CRAMP1: variants seen among roughly 807,000 people sequenced by gnomAD.
CRAMP1 encodes cramped chromatin regulator 1, also known as protein cramped-like.
A neutral mutation model predicts 115.4 loss-of-function variants in CRAMP1; 50 were observed. The observed-to-expected ratio is 0.43, with a 90% CI of 0.35 to 0.55. The LOEUF (loss-of-function observed/expected upper bound fraction) is 0.55, where lower values mean the gene tolerates loss of function less well. CRAMP1 is among the 20% of genes least tolerant of loss of function. The probability of loss-of-function intolerance (pLI) is 0.01; values close to 1 mark genes in which losing one functional copy is unlikely to be tolerated. For synonymous variants in CRAMP1, 866 were observed against 745.4 expected (o/e 1.16, Z -2.64); for missense variants, 1,679 against 1,721.7 (o/e 0.98, Z 0.44).
At chr16:1,626,507 G>A (rs949656437) in intron 3 of CRAMP1, among the ~76,000 whole-genome samples, 2 of 151,962 alleles carry the variant, frequency 1.3e-5, no homozygotes, top group African/African-American at 4.8e-5. Context: ...GTGCTGAGTG[G>A]GCTGATTTAG....
At chr16:1,620,624 C>T in intron 2 of CRAMP1, 1 of 456,866 alleles carries the variant, frequency 2.2e-6, no homozygotes, top group South Asian at 1.5e-5. Flanking sequence ...CTGCGTCTGA[C>T]CTCTCACGTC....
chr16:1,629,771 C>G (rs2036534704), intron 3 of CRAMP1, among the ~76,000 whole-genome samples: 1 of 152,198 alleles, frequency 6.6e-6, no homozygotes, highest in Non-Finnish European at 1.5e-5. Flanking sequence ...CTTTATCTGC[C>G]ATTCCTTTTG....
chr16:1,651,480 G>A (rs1037528638), intron 6 of CRAMP1, among the ~76,000 whole-genome samples: 6 of 149,486 alleles, frequency 4.0e-5, no homozygotes, highest in African/African-American at 1.5e-4. Flanking sequence ...GTCACACACA[G>A]GTCATCTAGA....
chr16:1,631,361 C>T (rs567404512), intron 3 of CRAMP1, among the ~76,000 whole-genome samples: 17 of 152,350 alleles, frequency 1.1e-4, no homozygotes, highest in South Asian at 4.1e-4. Flanking sequence ...CCTCTTCTCA[C>T]GTCCCCATCG....
intron 10 of CRAMP1, among the ~76,000 whole-genome samples, chr16:1,657,223 G>A (rs2036784141): frequency 6.6e-6 from 1 of 152,232 alleles, no homozygotes; most frequent in South Asian, 2.1e-4. Context: ...TCTCCCTCGA[G>A]GAGGGATCCT....
intron 7 of CRAMP1, 109 bp from the exon 8 acceptor site, chr16:1,652,924 G>T: frequency 7.4e-7 from 1 of 1,342,526 alleles, no homozygotes; most frequent in Non-Finnish European, 1.0e-6. Flanking sequence ...GCCTCTGTTT[G>T]CAAGGCCATC....
chr16:1,659,762 C>T (rs2036809117), intron 10 of CRAMP1, 124 bp from the exon 11 acceptor site: 13 of 947,558 alleles, frequency 1.4e-5, no homozygotes, highest in South Asian at 1.1e-4. Context: ...TGGCCCTGGC[C>T]TTTGCCGTCA....
intron 13 of CRAMP1, among the ~76,000 whole-genome samples, 185 bp from the exon 14 acceptor site, chr16:1,664,872 T>C (rs1165353957): frequency 6.6e-6 from 1 of 152,058 alleles, no homozygotes; most frequent in Non-Finnish European, 1.5e-5. Flanking sequence ...AGGACCTAAC[T>C]GGAGCTTGGG....
chr16:1,666,301 C>A lies in CRAMP1; in HGVS notation c.2858-121C>A. 8.3e-7 allele frequency: 1 copy of A among 1,197,680 alleles called. No individual in the cohort carries two copies. Among genetic ancestry groups the A allele is most frequent in the Non-Finnish European group, 1.2e-6 (1 of 833,758 alleles). The allele number at this position is 1,197,680 out of a possible 1,614,324, so 74.2% of individuals were successfully genotyped here. A position where few individuals can be genotyped will look rare whatever the true frequency, so the allele number is the denominator to read the frequency against. On this transcript the variant is annotated intron_variant, in intron 15 of 20. Coordinates refer to ENST00000397412, the MANE Select transcript of CRAMP1 (RefSeq NM_020825.4). This position sits in a 1 kb window ranked among gnomAD's most constrained non-coding sequence, Gnocchi z 5.0. Reference sequence around the variant, plus strand: ...TCTCATTACCCTTCACCAAGAACATCTAAGCCCTTGGCTCTTGCATTGACA... The same window carrying A: ...TCTCATTACCCTTCACCAAGAACATATAAGCCCTTGGCTCTTGCATTGACA...
chr16:1,614,698 A>G lies in CRAMP1; in HGVS notation c.59A>G (p.Lys20Arg). Residue 20 changes from lysine to arginine, a missense_variant, in exon 2 of 21, where the codon AAG becomes AGG. Lys to Arg is a conservative substitution (Grantham distance 26, BLOSUM62 2). Around this residue, in one of 8 missense-constraint regions of CRAMP1, gnomAD observed 264 missense variants for 229.7 expected, o/e 1.15. Coordinates refer to ENST00000397412, the MANE Select transcript of CRAMP1 (RefSeq NM_020825.4). This position sits in a 1 kb window ranked among gnomAD's most constrained non-coding sequence, Gnocchi z 4.4. ...SGEDGLKKLG[K>R]RAADEESLEG... Reference sequence around the variant, plus strand: ...GAGGACGGGCTCAAGAAGCTGGGCAAGCGGGCGGCCGATGAGGAGTCCCTG... The same window carrying G: ...GAGGACGGGCTCAAGAAGCTGGGCAGGCGGGCGGCCGATGAGGAGTCCCTG... 7.5e-7 allele frequency: 1 copy of G among 1,332,384 alleles called. No homozygotes were observed. Among genetic ancestry groups the G allele is most frequent in the Non-Finnish European group, 9.7e-7 (1 of 1,033,534 alleles). 82.5% of individuals were successfully genotyped at this position (1,332,384 alleles called of 1,614,324 possible).
In CRAMP1 at chr16:1,630,576, A is replaced by G. The variant is rs147357287; in HGVS notation, c.541-1636A>G. 5.2e-3 allele frequency among the ~76,000 whole-genome samples: 793 copies of G among 152,310 alleles called. 7 individuals carry two copies. The highest frequency in any genetic ancestry group is 0.018 in the African/African-American group (764 of 41,558). ...GCACTGTGAGGGTATGAGCACAGAC[A>G]TGGCCCTGCCTGCTCATTTGCAGGC... On this transcript the variant is annotated intron_variant, in intron 3 of 20. Coordinates refer to ENST00000397412, the MANE Select transcript of CRAMP1 (RefSeq NM_020825.4).
At chr16:1,645,027 T>C (rs2142189073) in intron 6 of CRAMP1, among the ~76,000 whole-genome samples, 1 of 149,666 alleles carries the variant, frequency 6.7e-6, no homozygotes, top group East Asian at 2.0e-4. Context: ...TATTTTTACT[T>C]TTGTTCTTTT....
chr16:1,652,133 C>T (rs1567456594), intron 6 of CRAMP1, among the ~76,000 whole-genome samples: 1 of 152,170 alleles, frequency 6.6e-6, no homozygotes, highest in Non-Finnish European at 1.5e-5. Flanking sequence ...GAGGACTGCA[C>T]AGAGCTGGGG....
chr16:1,633,143 C>T (rs2036559864), intron 4 of CRAMP1, among the ~76,000 whole-genome samples: 1 of 152,216 alleles, frequency 6.6e-6, no homozygotes, highest in Admixed American at 6.5e-5. Context: ...GCCACACTGC[C>T]ACTCTTTGTG....
At chr16:1,641,302 C>T (rs958301683) in intron 6 of CRAMP1, 115 bp downstream of exon 6, 4 of 782,064 alleles carry the variant, frequency 5.1e-6, no homozygotes, top group Non-Finnish European at 6.7e-6. Context: ...AACTTCATAA[C>T]CTCTCAGTTA....
chr16:1,636,389 G>C (rs559304361), intron 4 of CRAMP1, among the ~76,000 whole-genome samples: 1 of 151,748 alleles, frequency 6.6e-6, no homozygotes, highest in East Asian at 1.9e-4. Context: ...AAAAAAGAAA[G>C]AAAGAAAAAA....
chr16:1,614,854 C>A lies in CRAMP1; in HGVS notation c.215C>A (p.Pro72Gln). 2 of 1,303,172 alleles carry A rather than the reference C, an allele frequency of 1.5e-6. No homozygotes were observed. The highest frequency in any genetic ancestry group is 3.6e-5 in the Admixed American group (1 of 27,800). The allele number at this position is 1,303,172 out of a possible 1,614,324, so 80.7% of individuals were successfully genotyped here. ...GGCGCGCCGCAGGCGCCGTCCCCGCCGCAGGGCAGCCCCCAGGACCAGCAC... is the reference window on the plus strand; with the variant it reads ...GGCGCGCCGCAGGCGCCGTCCCCGCAGCAGGGCAGCCCCCAGGACCAGCAC... ...PPGAPQAPSP[P>Q]QGSPQDQHHF... Residue 72 changes from proline to glutamine, a missense_variant, in exon 2 of 21, where the codon CCG becomes CAG. Pro to Gln is a moderately conservative substitution (Grantham distance 76). This residue lies in a region of CRAMP1 where 264 missense variants were observed against 229.7 expected (regional missense o/e 1.15). Transcript: ENST00000397412. The surrounding 1 kb of genome is among the most constrained non-coding windows in gnomAD (Gnocchi z 4.4).
In CRAMP1 at chr16:1,666,608, T is replaced by G. The variant is rs2036878743; in HGVS notation, c.3036+8T>G. 1.2e-6 allele frequency: 2 copies of G among 1,610,156 alleles called. No homozygotes were observed. The highest frequency in any genetic ancestry group is 1.3e-5 in the African/African-American group (1 of 74,822). ...ACCCTCCCCACCGTGGGGGTGAGTA[T>G]GTTTAGAAGGGCTTTTCAGCATTAC... On this transcript the variant is annotated splice_region_variant and intron_variant, in intron 16 of 20. Transcript: ENST00000397412. This position sits in a 1 kb window ranked among gnomAD's most constrained non-coding sequence, Gnocchi z 5.0.
intron 6 of CRAMP1, among the ~76,000 whole-genome samples, chr16:1,641,524 C>T (rs958249784): frequency 2.6e-5 from 4 of 152,200 alleles, no homozygotes; most frequent in African/African-American, 4.8e-5. Flanking sequence ...GGCTGGTCCC[C>T]GGCTTCTAGG....
Sources: gnomAD v4.1 joint callset for allele counts (sites outside exome capture counted in the v4.1 genomes callset) on GRCh38, gnomAD v4.1.1 for gene constraint, gnomAD v4.1.1 regional missense constraint, Gnocchi (gnomAD v3.1) non-coding constraint, MANE v1.5 for transcripts, NCBI Gene and HGNC (gene_info 2026-07-23, HGNC 2026-07-21) for gene names.